Variants in TRHDE observed in about 807,000 individuals in gnomAD.
The protein encoded by TRHDE is thyrotropin releasing hormone degrading enzyme, also known as thyrotropin-releasing hormone-degrading ectoenzyme.
In TRHDE, 72 loss-of-function variants were observed where a neutral mutation model predicts 125.7. The observed-to-expected ratio is 0.57, with a 90% CI of 0.47 to 0.70. The LOEUF (loss-of-function observed/expected upper bound fraction) is 0.70. TRHDE is among the 30% of genes least tolerant of loss of function. The probability of loss-of-function intolerance (pLI) is 0.00; values close to 1 mark genes in which losing one functional copy is unlikely to be tolerated. For synonymous variants in TRHDE, 509 were observed against 509.1 expected (o/e 1.00, Z 0.00); for missense variants, 1,110 against 1,327.1 (o/e 0.84, Z 2.54).
chr12:72,620,002 C>T (rs1056024887), intron 13 of TRHDE, among the ~76,000 whole-genome samples: 7 of 151,602 alleles, frequency 4.6e-5, no homozygotes, highest in Non-Finnish European at 8.8e-5. Context: ...GGAATAATTA[C>T]GTTCATTGTT....
intron 2 of TRHDE, among the ~76,000 whole-genome samples, chr12:72,207,484 G>T (rs1263159796): frequency 6.6e-6 from 1 of 152,106 alleles, no homozygotes; most frequent in Non-Finnish European, 1.5e-5. Flanking sequence ...ATAAGAGATA[G>T]AATTCCCTAA....
intron 5 of TRHDE, among the ~76,000 whole-genome samples, chr12:72,498,848 C>G (rs1389504149): frequency 1.3e-5 from 2 of 152,108 alleles, no homozygotes; most frequent in African/African-American, 4.8e-5. Context: ...CTATTGATCT[C>G]TACTTTATGT....
chr12:72,192,867 A>C (rs1002952919), intron 2 of TRHDE, among the ~76,000 whole-genome samples: 5 of 152,082 alleles, frequency 3.3e-5, no homozygotes, highest in African/African-American at 1.2e-4. Context: ...TTTTTATTGG[A>C]GTAAGAAGTC....
At chr12:72,309,271 C>T (rs1868427749) in intron 2 of TRHDE, among the ~76,000 whole-genome samples, 1 of 152,126 alleles carries the variant, frequency 6.6e-6, no homozygotes, top group African/African-American at 2.4e-5. Context: ...GAGAGATCGT[C>T]TACTCTTTCA....
chr12:72,329,265 C>T (rs897251641), intron 2 of TRHDE, among the ~76,000 whole-genome samples: 1 of 152,180 alleles, frequency 6.6e-6, no homozygotes, highest in South Asian at 2.1e-4. Flanking sequence ...ATTGAATAAA[C>T]AGTAGTGGGT....
At chr12:72,625,856 A>C (rs1873236838) in intron 15 of TRHDE, among the ~76,000 whole-genome samples, 1 of 151,936 alleles carries the variant, frequency 6.6e-6, no homozygotes, top group African/African-American at 2.4e-5. Flanking sequence ...AAGATACATT[A>C]GTTCAAATAT....
chr12:72,542,331 A>G lies in TRHDE; in HGVS notation c.1763A>G (p.His588Arg), dbSNP rs752580387. Residue 588 changes from histidine (H) to arginine (R), a missense_variant, in exon 7 of 19, where the codon CAT becomes CGT. His to Arg is a conservative substitution (Grantham distance 29). This residue lies in a region of TRHDE where 527 missense variants were observed against 651.8 expected (regional missense o/e 0.81). Coordinates refer to ENST00000261180, the MANE Select transcript of TRHDE (RefSeq NM_013381.3). ...AGAATGCTGGCTAATTTTATGGGCC[A>G]TTCAGTTTTCCAGAGGGGTTTGCAA... ...LIRMLANFMG[H>R]SVFQRGLQDY... 1.2e-6 allele frequency: 2 copies of G among 1,605,228 alleles called. No homozygotes were observed. Among genetic ancestry groups the G allele is most frequent in the East Asian group, 2.2e-5 (1 of 44,618 alleles).
chr12:72,238,275 A>AATATATAT lies in TRHDE; in HGVS notation n.279+132563_279+132570dup, dbSNP rs71071820. On this transcript the variant is annotated intron_variant and non_coding_transcript_variant, in intron 2 of 4. Transcript: ENST00000548156. The stretch of plus-strand genomic sequence containing the variant: ...AGTGGTCAGAAGTGGTCAGATCCTT[A>AATATATAT]ATATATATATATATATATATATATA... Among the ~76,000 whole-genome samples the AATATATAT allele has an allele frequency of 3.9e-4, 15 of 38,224 alleles. 1 individual carries two copies. The highest frequency in any genetic ancestry group is 9.5e-4 in the African/African-American group (7 of 7,344). The allele number at this position is 38,224 out of a possible 152,430, so 25.1% of individuals were successfully genotyped here.
chr12:72,187,310 A>AACACACACACACACACACAC (rs59164233), intron 2 of TRHDE, among the ~76,000 whole-genome samples: 2 of 131,260 alleles, frequency 1.5e-5, no homozygotes, highest in African/African-American at 2.9e-5. Flanking sequence ...AGAGAAACAC[A>AACACACACACACACACACAC]ACACACACAC....
intron 1 of TRHDE, among the ~76,000 whole-genome samples, chr12:72,280,580 T>A (rs778421927): frequency 6.6e-6 from 1 of 151,892 alleles, no homozygotes; most frequent in Non-Finnish European, 1.5e-5. Context: ...AAAAGAAAGG[T>A]TGTGGTATTT....
chr12:72,282,680 T>C (rs949946808), intron 1 of TRHDE, among the ~76,000 whole-genome samples: 3 of 152,214 alleles, frequency 2.0e-5, no homozygotes, highest in African/African-American at 7.2e-5. Flanking sequence ...AAAACTTTAT[T>C]GAAGGCTTGT....
At chr12:72,088,847 C>T (rs1319765714) in intron 1 of TRHDE, among the ~76,000 whole-genome samples, 3 of 151,940 alleles carry the variant, frequency 2.0e-5, no homozygotes, top group Admixed American at 6.6e-5. Flanking sequence ...TCTACCTTCT[C>T]TTATCAGTCA....
chr12:72,134,148 G>T (rs577314211), intron 2 of TRHDE, among the ~76,000 whole-genome samples: 2 of 152,244 alleles, frequency 1.3e-5, no homozygotes, highest in African/African-American at 4.8e-5. Context: ...ATTTGGATTA[G>T]AAAAGTAACC....
chr12:72,407,071 G>A (rs1258864255), intron 3 of TRHDE, among the ~76,000 whole-genome samples: 1 of 152,138 alleles, frequency 6.6e-6, no homozygotes, highest in East Asian at 1.9e-4. Flanking sequence ...GGGAGGATGA[G>A]TTGTCACAAA....
At chr12:72,579,776 G>C (rs1345728034) in intron 12 of TRHDE, among the ~76,000 whole-genome samples, 1 of 152,074 alleles carries the variant, frequency 6.6e-6, no homozygotes, top group Non-Finnish European at 1.5e-5. Context: ...TTAGAATGAA[G>C]TAAAGGTCTA....
chr12:72,623,795 G>T (rs1390493965), intron 15 of TRHDE, among the ~76,000 whole-genome samples: 2 of 152,000 alleles, frequency 1.3e-5, no homozygotes, highest in African/African-American at 4.8e-5. Flanking sequence ...GCAGACAGAA[G>T]AAAGCCACAT....
At chr12:72,626,697 CT>C (rs1423036112) in intron 15 of TRHDE, among the ~76,000 whole-genome samples, 2 of 151,920 alleles carry the variant, frequency 1.3e-5, no homozygotes, top group African/African-American at 4.8e-5. Flanking sequence ...CCAGAACTCA[CT>C]TTATCTCATA....
intron 2 of TRHDE, among the ~76,000 whole-genome samples, chr12:72,291,287 A>C (rs1880079049): frequency 6.6e-6 from 1 of 152,212 alleles, no homozygotes; most frequent in Non-Finnish European, 1.5e-5. Flanking sequence ...TTATGACAAA[A>C]GCCATTTCCA....
At chr12:72,638,225 T>C (rs1873855767) in intron 15 of TRHDE, among the ~76,000 whole-genome samples, 2 of 149,050 alleles carry the variant, frequency 1.3e-5, no homozygotes, top group African/African-American at 2.5e-5. Flanking sequence ...TAGTTAGCTC[T>C]TCTTGTTGAA....
Sources: allele counts gnomAD v4.1 joint callset (sites outside exome capture counted in the v4.1 genomes callset), GRCh38; gene constraint gnomAD v4.1.1; regional missense constraint gnomAD v4.1.1; transcripts MANE v1.5; gene names NCBI Gene and HGNC (gene_info 2026-07-23, HGNC 2026-07-21).